POLR1A: variants seen among roughly 807,000 people sequenced by gnomAD.
POLR1A encodes the protein RNA polymerase I subunit A.
A neutral mutation model predicts 205.3 loss-of-function variants in POLR1A; 84 were observed. That is an observed-to-expected ratio of 0.41 (90% CI 0.34 to 0.49). The LOEUF (loss-of-function observed/expected upper bound fraction) is 0.49. POLR1A is among the 20% of genes least tolerant of loss of function. POLR1A has a pLI of 0.22. For synonymous variants in POLR1A, 799 were observed against 863.7 expected, an observed-to-expected ratio of 0.93 and a Z score of 1.31; for missense variants, 1,645 against 2,204.5, an observed-to-expected ratio of 0.75 and a Z score of 5.08.
intron 26 of POLR1A, 80 bp from the exon 27 acceptor site, chr2:86,038,937 A>G: frequency 7.6e-7 from 1 of 1,314,210 alleles, no homozygotes; most frequent in Non-Finnish European, 1.1e-6. Flanking sequence ...ACGAGACCCA[A>G]GGGTTTACAG....
In POLR1A at chr2:86,028,654, C is replaced by A; in HGVS notation, c.4837G>T (p.Gly1613Cys). 6.2e-7 allele frequency: 1 copy of A among 1,614,248 alleles called. No individual in the cohort carries two copies. The highest frequency in any genetic ancestry group is 8.5e-7 in the Non-Finnish European group (1 of 1,180,040). Residue 1613 changes from glycine (G) to cysteine (C), a missense_variant, in exon 32 of 34, where the codon GGC becomes TGC. Transcript: ENST00000263857. The surrounding 1 kb of genome is among the most constrained non-coding windows in gnomAD (Gnocchi z 4.5). ...ATCACCCGCAGCGCGGCCTCAATGC[C>A]ATACGTGTTGGCTATGGCGTGGATG... ...NDIHAIANTYGIEAALRVIEK... is the reference protein window; with the variant it reads ...NDIHAIANTYCIEAALRVIEK...
chr2:86,078,003 T>C (rs376873372), intron 10 of POLR1A, 22 bp from the exon 11 acceptor site: 8 of 1,613,654 alleles, frequency 5.0e-6, no homozygotes, highest in South Asian at 3.3e-5. Flanking sequence ...AAAAAGGTCA[T>C]AAAAAACATT....
At chr2:86,034,865 T>C (rs1672465307) in intron 27 of POLR1A, among the ~76,000 whole-genome samples, 1 of 152,152 alleles carries the variant, frequency 6.6e-6, no homozygotes, top group South Asian at 2.1e-4. Context: ...CCTAATATTA[T>C]TATTATTAGT....
Position 86,042,067 on chromosome 2 carries a change from G to A in POLR1A, c.3394C>T (p.Arg1132Ter), listed in dbSNP as rs1672620899. 5 of 1,613,046 alleles carry A rather than the reference G, an allele frequency of 3.1e-6. No individual in the cohort carries two copies. Among genetic ancestry groups the A allele is most frequent in the Non-Finnish European group, 1.7e-6 (2 of 1,179,976 alleles). Residue 1132 changes from arginine (R) to a stop codon, truncating the protein, a stop_gained, in exon 24 of 34, where the codon CGA becomes TGA. Coordinates refer to ENST00000263857, the MANE Select transcript of POLR1A (RefSeq NM_015425.6). LOFTEE classifies it high-confidence loss of function. ...RMWYELDEESRRKYQKKAAAC... is the reference protein window; with the variant it reads ...RMWYELDEES ...GCCGCCTTCTTCTGGTATTTCCTTC[G>A]GCTTTCCTCATCCAACTCATACCAC...
In POLR1A at chr2:86,043,197, TAAAC is replaced by T. The variant is rs759645757; in HGVS notation, c.3136-6_3136-3del. 2.4e-5 allele frequency: 39 copies of T among 1,604,728 alleles called. No homozygotes were observed. The highest frequency in any genetic ancestry group is 1.8e-4 in the Middle Eastern group (1 of 5,456). On this transcript the variant is annotated splice_polypyrimidine_tract_variant and splice_region_variant and intron_variant, in intron 22 of 33. Coordinates refer to ENST00000263857, the MANE Select transcript of POLR1A (RefSeq NM_015425.6). ...GAGATGCTGTGATTTCATTATCACC[TAAAC>T]AAACAAACAAAAAAACAAACAAACA...
At chr2:86,055,415 TTC>T (rs2104401080) in intron 14 of POLR1A, among the ~76,000 whole-genome samples, 1 of 152,256 alleles carries the variant, frequency 6.6e-6, no homozygotes, top group South Asian at 2.1e-4. Context: ...GCAGAAAATA[TTC>T]TGTTTTCTCA....
intron 18 of POLR1A, 116 bp from the exon 19 acceptor site, chr2:86,047,379 G>C (rs944547591): frequency 2.0e-5 from 14 of 687,600 alleles, no homozygotes; most frequent in Non-Finnish European, 1.3e-5. Flanking sequence ...TCAGACCTAA[G>C]TACCAAATCC....
intron 13 of POLR1A, 25 bp downstream of exon 13, chr2:86,069,993 G>C (rs765625759): frequency 4.4e-6 from 7 of 1,603,248 alleles, no homozygotes; most frequent in Non-Finnish European, 5.1e-6. Flanking sequence ...CGATGACCAC[G>C]GAACAGCCTC....
intron 12 of POLR1A, among the ~76,000 whole-genome samples, chr2:86,074,102 G>C (rs12612513): frequency 0.04 from 6,157 of 152,304 alleles, 246 homozygotes; most frequent in East Asian, 0.23. Flanking sequence ...GGACGGCGGT[G>C]AGAACGAGAG....
In POLR1A at chr2:86,088,774, C is replaced by T. The variant is rs1206970531; in HGVS notation, c.626+11G>A. On this transcript the variant is annotated intron_variant, in intron 5 of 33. Coordinates refer to ENST00000263857, the MANE Select transcript of POLR1A (RefSeq NM_015425.6). ...AGACGTCTCACCTGGCGCAAGGGCC[C>T]TGATACTTACTTGCAGTGGGGACAG... is the stretch of plus-strand genomic sequence containing the variant. 3 of 1,610,976 alleles carry T rather than the reference C, an allele frequency of 1.9e-6. No individual in the cohort carries two copies. The highest frequency in any genetic ancestry group is 2.5e-6 in the Non-Finnish European group (3 of 1,177,288).
intron 21 of POLR1A, 117 bp from the exon 22 acceptor site, chr2:86,044,421 A>G (rs1672675823): frequency 2.8e-6 from 3 of 1,086,054 alleles, no homozygotes; most frequent in African/African-American, 3.1e-5. Context: ...CTGCAGGCAA[A>G]CAAGACTTCA....
At chr2:86,066,419 CCA>C (rs1244551392) in intron 13 of POLR1A, among the ~76,000 whole-genome samples, 1 of 152,166 alleles carries the variant, frequency 6.6e-6, no homozygotes. Context: ...ATTCTGATCC[CCA>C]GTCTCCTGAA....
intron 14 of POLR1A, among the ~76,000 whole-genome samples, chr2:86,062,321 T>C (rs1043180583): frequency 6.6e-6 from 1 of 152,216 alleles, no homozygotes; most frequent in Non-Finnish European, 1.5e-5. Flanking sequence ...CCCAATTTTA[T>C]TTGGTACAAA....
Position 86,043,199 on chromosome 2 carries a change from A to T in POLR1A, c.3136-4T>A. ...GATGCTGTGATTTCATTATCACCTA[A>T]ACAAACAAACAAAAAAACAAACAAA... On this transcript the variant is annotated splice_polypyrimidine_tract_variant and splice_region_variant and intron_variant, in intron 22 of 33. Coordinates refer to ENST00000263857, the MANE Select transcript of POLR1A (RefSeq NM_015425.6). 6.3e-7 allele frequency: 1 copy of T among 1,599,984 alleles called. No individual in the cohort carries two copies. Among genetic ancestry groups the T allele is most frequent in the East Asian group, 2.2e-5 (1 of 44,820 alleles).
chr2:86,043,213 A>AAAAC lies in POLR1A; in HGVS notation c.3136-22_3136-19dup. 2 of 1,577,462 alleles carry AAAAC rather than the reference A, an allele frequency of 1.3e-6. No homozygotes were observed. Among genetic ancestry groups the AAAAC allele is most frequent in the Admixed American group, 1.7e-5 (1 of 59,792 alleles). On this transcript the variant is annotated intron_variant, in intron 22 of 33. Coordinates refer to ENST00000263857, the MANE Select transcript of POLR1A (RefSeq NM_015425.6). ...ATTATCACCTAAACAAACAAACAAA[A>AAAAC]AAACAAACAAACAAATCACACACAT...
At position 86,070,902 on chromosome 2, in the gene POLR1A, A is replaced by G. The variant is rs1292636858; in HGVS notation, c.1612-630T>C. On this transcript the variant is annotated intron_variant, in intron 12 of 33. Coordinates refer to ENST00000263857, the MANE Select transcript of POLR1A (RefSeq NM_015425.6). This position sits in a 1 kb window ranked among gnomAD's most constrained non-coding sequence, Gnocchi z 4.4. The stretch of plus-strand genomic sequence containing the variant: ...GGAACAGAGTTTGAAAATAGCAATT[A>G]AAACACTTAAAACACATTTTCTGTT... Among the ~76,000 whole-genome samples the G allele has an allele frequency of 6.6e-6, 1 of 152,182 alleles. No homozygotes were observed. Among genetic ancestry groups the G allele is most frequent in the Non-Finnish European group, 1.5e-5 (1 of 68,034 alleles).
chr2:86,073,960 T>C (rs1330633741), intron 12 of POLR1A, among the ~76,000 whole-genome samples: 4 of 152,238 alleles, frequency 2.6e-5, no homozygotes, highest in Non-Finnish European at 4.4e-5. Context: ...AGACCGATTC[T>C]ACGAACCTGA....
At chr2:86,047,476 C>G in intron 18 of POLR1A, among the ~76,000 whole-genome samples, 1 of 152,208 alleles carries the variant, frequency 6.6e-6, no homozygotes, top group East Asian at 1.9e-4. Flanking sequence ...GCCCTGCACT[C>G]GCTGGACTTC....
At chr2:86,077,563 G>C (rs1673310946) in intron 11 of POLR1A, among the ~76,000 whole-genome samples, 1 of 152,174 alleles carries the variant, frequency 6.6e-6, no homozygotes, top group African/African-American at 2.4e-5. Context: ...TATGCCGGCG[G>C]GGATGTGGAA....
Sources: gnomAD v4.1 joint callset for allele counts (sites outside exome capture counted in the v4.1 genomes callset) on GRCh38, gnomAD v4.1.1 for gene constraint, Gnocchi (gnomAD v3.1) non-coding constraint, MANE v1.5 for transcripts, NCBI Gene and HGNC (gene_info 2026-07-23, HGNC 2026-07-21) for gene names.